Variants in MKRN2OS observed in about 807,000 individuals in gnomAD.
MKRN2OS encodes the protein MKRN2 opposite strand protein.
A neutral mutation model predicts 18.2 loss-of-function variants in MKRN2OS; 17 were observed. That is an observed-to-expected ratio of 0.93 (90% CI 0.64 to 1.40). MKRN2OS has a LOEUF of 1.40. Among genes scored for constraint, MKRN2OS ranks in the 40% most tolerant of loss-of-function variants. The pLI, the probability that MKRN2OS is intolerant of heterozygous loss-of-function variation, is 0.00. For synonymous variants in MKRN2OS, 121 were observed against 108.5 expected (o/e 1.12, Z -0.72); for missense variants, 337 against 283.0 (o/e 1.19, Z -1.37).
Position 12,542,732 on chromosome 3 carries a change from A to C in MKRN2OS, c.268+448T>G, listed in dbSNP as rs1447750304. ...TCCTTAAAAAAAAAAAAAAAAAAAA[A>C]AACACTGCAGGCCCCACCACATCCT... On this transcript the variant is annotated intron_variant, in intron 2 of 3. Coordinates refer to ENST00000564146, the MANE Select transcript of MKRN2OS (RefSeq NM_001195279.2). Among the ~76,000 whole-genome samples the C allele has an allele frequency of 2.6e-5, 4 of 151,454 alleles. No homozygotes were observed. The East Asian group carries it at 5.8e-4, about 22-fold the overall frequency.
intron 1 of MKRN2OS, chr3:12,557,306 G>A (rs1037540135): frequency 2.9e-5 from 37 of 1,273,576 alleles, no homozygotes; most frequent in Non-Finnish European, 3.5e-5. Flanking sequence ...TGTTCGCGGC[G>A]GGGCTTTGCG....
intron 1 of MKRN2OS, chr3:12,557,119 C>A (rs149385056): frequency 2.0e-6 from 3 of 1,491,748 alleles, no homozygotes; most frequent in Non-Finnish European, 2.7e-6. Context: ...CGAGAGGCGG[C>A]GGCACGACGA....
At chr3:12,550,769 C>T (rs932995551), downstream of MKRN2OS, among the ~76,000 whole-genome samples, 27 of 152,262 alleles carry the variant, frequency 1.8e-4, no homozygotes, top group Admixed American at 6.5e-4. Context: ...CAGGCCGGTA[C>T]GGATTCACTG....
intron 2 of MKRN2OS, among the ~76,000 whole-genome samples, chr3:12,542,962 A>G (rs1361214445): frequency 6.6e-6 from 1 of 152,214 alleles, no homozygotes; most frequent in African/African-American, 2.4e-5. Flanking sequence ...TCACTGAGAA[A>G]ACGTTAAAGA....
At chr3:12,556,265 C>A (rs996309169) in intron 1 of MKRN2OS, among the ~76,000 whole-genome samples, 8 of 151,122 alleles carry the variant, frequency 5.3e-5, no homozygotes, top group South Asian at 2.1e-4. Context: ...GCAGGAGAAT[C>A]GCTTGAACCC....
In MKRN2OS at chr3:12,545,440, C is replaced by T. The variant is rs964613600; in HGVS notation, c.25G>A (p.Ala9Thr). 1 of 1,534,076 alleles carries T rather than the reference C, an allele frequency of 6.5e-7. No individual in the cohort carries two copies. The highest frequency in any genetic ancestry group is 2.4e-5 in the East Asian group (1 of 40,898). The change falls in exon 1 of 4, where the codon GCT becomes ACT. Residue 9 changes from alanine to threonine, a missense_variant. By Grantham distance (58) the Ala-to-Thr change is moderately conservative (BLOSUM62 0). Transcript: ENST00000564146. The part of the protein sequence containing the change: MHCAEAGK[A>T]LIKFNHCEKY... ...TCACAGTGGTTGAATTTAATTAAAG[C>T]CTTCCCAGCCTCTGCGCAGTGCATA...
In MKRN2OS at chr3:12,543,178, AC is replaced by A. The variant is rs2057839152; in HGVS notation, c.268+1del. On this transcript the variant is annotated splice_donor_variant, in intron 2 of 3. Coordinates refer to ENST00000564146, the MANE Select transcript of MKRN2OS (RefSeq NM_001195279.2). LOFTEE classifies it high-confidence loss of function. ...TTTTTTAAGCTACAAAACTGCACTT[AC>A]CATTTGTGTTAGTTATTCCAACATG... The A allele has an allele frequency of 1.3e-6, 2 of 1,535,348 alleles. No individual in the cohort carries two copies.
intron 1 of MKRN2OS, chr3:12,557,308 G>A (rs1369820548): frequency 6.4e-6 from 8 of 1,251,682 alleles, no homozygotes; most frequent in African/African-American, 6.3e-5. Flanking sequence ...TTCGCGGCGG[G>A]GCTTTGCGAG....
At chr3:12,541,365 G>A (rs2057808777) in intron 3 of MKRN2OS, among the ~76,000 whole-genome samples, 1 of 151,898 alleles carries the variant, frequency 6.6e-6, no homozygotes, top group African/African-American at 2.4e-5. Flanking sequence ...GACTACAGAC[G>A]TCCACCACCA....
At chr3:12,546,424 TTAA>T (rs1003875236), upstream of MKRN2OS, among the ~76,000 whole-genome samples, 7 of 152,098 alleles carry the variant, frequency 4.6e-5, no homozygotes, top group Admixed American at 2.0e-4. Flanking sequence ...CATCTGGGTG[TTAA>T]TAATATGGGA....
upstream of MKRN2OS, among the ~76,000 whole-genome samples, chr3:12,549,872 T>C (rs1349438468): frequency 6.6e-6 from 1 of 152,204 alleles, no homozygotes; most frequent in African/African-American, 2.4e-5. Context: ...CCTTTTAGTA[T>C]TTCTTATAGG....
chr3:12,540,634 G>A (rs1331069757), intron 3 of MKRN2OS, among the ~76,000 whole-genome samples: 1 of 152,076 alleles, frequency 6.6e-6, no homozygotes, highest in African/African-American at 2.4e-5. Flanking sequence ...AGCACTTTGG[G>A]AAGCGAGGGT....
chr3:12,557,100 C>A, intron 1 of MKRN2OS: 2 of 1,481,824 alleles, frequency 1.3e-6, no homozygotes. Context: ...GCCGAGGCGG[C>A]AGCGGCTGCG....
rs984288155 is a variant in MKRN2OS, at chr3:12,540,219, G to T, written c.646C>A (p.Pro216Thr). The T allele has an allele frequency of 2.7e-5, 41 of 1,536,022 alleles. No homozygotes were observed. In the African/African-American group the frequency reaches 4.5e-4, roughly 17 times the overall value. ...CAGCACAAACCGCCGCCCTCAGGGG[G>T]TTGTGCCTGCTGCTGGGGACAGTCA... ...VTDCPQQQAQ[P>T]PEGGGLC Residue 216 changes from proline (P) to threonine (T), a missense_variant, in exon 4 of 4, where the codon CCC becomes ACC. Physicochemically the swap from Pro to Thr is conservative, Grantham distance 38 (BLOSUM62 -1). Coordinates refer to ENST00000564146, the MANE Select transcript of MKRN2OS (RefSeq NM_001195279.2).
At chr3:12,556,280 G>A (rs2057969756) in intron 1 of MKRN2OS, among the ~76,000 whole-genome samples, 1 of 151,946 alleles carries the variant, frequency 6.6e-6, no homozygotes, top group East Asian at 1.9e-4. Context: ...GAACCCGGGA[G>A]GCGGAGGTTG....
At chr3:12,540,499 A>C in intron 3 of MKRN2OS, 66 bp from the exon 4 acceptor site, 1 of 1,527,558 alleles carries the variant, frequency 6.5e-7, no homozygotes. Flanking sequence ...AAGCTACTGA[A>C]GGCCTTTCCT....
chr3:12,540,877 CAAAAAAAAA>C (rs11369647), intron 3 of MKRN2OS, among the ~76,000 whole-genome samples: 1 of 59,658 alleles, frequency 1.7e-5, no homozygotes, highest in Non-Finnish European at 3.2e-5. Context: ...GACTCCATCT[CAAAAAAAAA>C]AAAAAAAAAA....
rs1241752011 is a variant in MKRN2OS, at chr3:12,541,848, G to A, written c.431+12C>T. On this transcript the variant is annotated intron_variant, in intron 3 of 3. Coordinates refer to ENST00000564146, the MANE Select transcript of MKRN2OS (RefSeq NM_001195279.2). ...GAGTGTCAGCGAGGGGGCAGCATTT[G>A]CAGTCGTGTACCTGTGAGGCAGCCA... 3.3e-6 allele frequency: 5 copies of A among 1,533,160 alleles called. No homozygotes were observed. Among genetic ancestry groups the A allele is most frequent in the Non-Finnish European group, 4.4e-6 (5 of 1,145,678 alleles). The allele number at this position is 1,533,160 out of a possible 1,614,324, so 95.0% of individuals were successfully genotyped here.
chr3:12,556,977 A>G, intron 1 of MKRN2OS: 1 of 629,140 alleles, frequency 1.6e-6, no homozygotes, highest in Non-Finnish European at 2.3e-6. Flanking sequence ...ACCAATTGTG[A>G]CGACGGCTAG....
Sources: allele counts gnomAD v4.1 joint callset (sites outside exome capture counted in the v4.1 genomes callset), GRCh38; gene constraint gnomAD v4.1.1; transcripts MANE v1.5; gene names NCBI Gene and HGNC (gene_info 2026-07-23, HGNC 2026-07-21).